ATAD2B: variants seen among roughly 807,000 people sequenced by gnomAD.
ATAD2B encodes ATPase family AAA domain-containing protein 2B.
ATAD2B carries 40 observed loss-of-function variants against 167.6 expected under a neutral mutation model. The observed-to-expected ratio is 0.24, with a 90% CI of 0.19 to 0.31. ATAD2B has a LOEUF of 0.31. ATAD2B is among the 10% of genes least tolerant of loss of function. ATAD2B has a pLI of 1.00. For synonymous variants in ATAD2B, 579 were observed against 596.5 expected (o/e 0.97, Z 0.43); for missense variants, 1,242 against 1,757.2 (o/e 0.71, Z 5.24).
the ATAD2B span, among the ~76,000 whole-genome samples, chr2:23,701,940 G>A: frequency 6.6e-6 from 1 of 151,736 alleles, no homozygotes; most frequent in South Asian, 2.1e-4. Flanking sequence ...GGGTAGCTGG[G>A]TAGCTGGAAT....
chr2:23,691,905 G>T, the ATAD2B span: 1 of 1,541,350 alleles, frequency 6.5e-7, no homozygotes, highest in Non-Finnish European at 8.7e-7. Flanking sequence ...TATGTCGCTT[G>T]GGGGGAAGAG....
Position 23,884,799 on chromosome 2 carries a change from AT to A in ATAD2B, c.749del (p.Asn250IlefsTer21). On this transcript the variant is annotated frameshift_variant, in exon 6 of 28. Coordinates refer to ENST00000238789, the MANE Select transcript of ATAD2B (RefSeq NM_017552.4). LOFTEE classifies it high-confidence loss of function. ...CACCCTCAGTAGAAACTTCATGATG[AT>A]TTTGTATCCCATAACTATTTCTTCT... is the stretch of plus-strand genomic sequence containing the variant. The part of the protein sequence containing the change: ...SLRRNSYGIQ[N>X]HHEVSTEGEE... The A allele has an allele frequency of 6.3e-7, 1 of 1,597,972 alleles. No homozygotes were observed. The highest frequency in any genetic ancestry group is 8.5e-7 in the Non-Finnish European group (1 of 1,172,068).
At chr2:23,852,768 A>C (rs988786618) in intron 13 of ATAD2B, among the ~76,000 whole-genome samples, 1 of 151,980 alleles carries the variant, frequency 6.6e-6, no homozygotes, top group African/African-American at 2.4e-5. Context: ...AAAACACAAA[A>C]ATTAGCCAGG....
intron 10 of ATAD2B, among the ~76,000 whole-genome samples, chr2:23,866,167 A>T (rs142550200): frequency 2.2e-4 from 33 of 152,360 alleles, no homozygotes; most frequent in African/African-American, 7.2e-4. Flanking sequence ...ACATTTTGGG[A>T]GGCCAAGGCG....
At chr2:23,752,204 T>G in intron 27 of ATAD2B, 117 bp from the exon 28 acceptor site, 1 of 740,548 alleles carries the variant, frequency 1.4e-6, no homozygotes, top group Non-Finnish European at 2.3e-6. Flanking sequence ...GGTTAAACTT[T>G]GAATATTTTC....
intron 13 of ATAD2B, among the ~76,000 whole-genome samples, chr2:23,838,450 TA>T (rs11301797): frequency 0.073 from 10,653 of 146,744 alleles, 1,213 homozygotes; most frequent in African/African-American, 0.25. Flanking sequence ...AAGTTGTCTT[TA>T]AAAAAAAAAA....
At chr2:23,872,619 G>A in intron 8 of ATAD2B, 2 of 1,328,700 alleles carry the variant, frequency 1.5e-6, no homozygotes, top group Non-Finnish European at 2.1e-6. Context: ...CTGTAGAAAG[G>A]ATGGTCAGGC....
intron 17 of ATAD2B, among the ~76,000 whole-genome samples, chr2:23,812,512 T>C (rs1209557422): frequency 6.6e-6 from 1 of 152,146 alleles, no homozygotes; most frequent in East Asian, 1.9e-4. Context: ...GAGTTTCAAC[T>C]TACTCACAAC....
At chr2:23,779,737 G>A (rs995143697) in intron 22 of ATAD2B, among the ~76,000 whole-genome samples, 1 of 152,002 alleles carries the variant, frequency 6.6e-6, no homozygotes, top group Non-Finnish European at 1.5e-5. Context: ...AATAATGTTG[G>A]AGAAATATAT....
intron 27 of ATAD2B, 48 bp from the exon 28 acceptor site, chr2:23,752,135 A>T (rs1675417077): frequency 7.6e-7 from 1 of 1,323,762 alleles, no homozygotes; most frequent in African/African-American, 1.5e-5. Flanking sequence ...GAAAGACAAA[A>T]GTGTTCCTCA....
chr2:23,917,130 T>C (rs1703155853), intron 1 of ATAD2B, among the ~76,000 whole-genome samples: 1 of 152,260 alleles, frequency 6.6e-6, no homozygotes, highest in African/African-American at 2.4e-5. Context: ...TTTGCCCACA[T>C]GGCACTTACA....
chr2:23,684,328 A>C, the ATAD2B span: 2 of 1,194,082 alleles, frequency 1.7e-6, no homozygotes, highest in Non-Finnish European at 2.2e-6. The surrounding 1 kb of genome is among the most constrained non-coding windows in gnomAD (Gnocchi z 4.4). Flanking sequence ...AAAGAAAAAA[A>C]ACTTTTTTTA....
intron 1 of ATAD2B, among the ~76,000 whole-genome samples, chr2:23,909,037 C>T (rs1305133182): frequency 6.7e-6 from 1 of 149,454 alleles, no homozygotes; most frequent in Non-Finnish European, 1.5e-5. Flanking sequence ...TGCTAGATGA[C>T]GAGTTAGTGG....
the ATAD2B span, among the ~76,000 whole-genome samples, chr2:23,738,584 A>G: frequency 2.0e-5 from 3 of 152,230 alleles, no homozygotes; most frequent in Non-Finnish European, 4.4e-5. Flanking sequence ...GGTACCAGCC[A>G]CTGCAAAAAC....
At chr2:23,689,764 G>A in the ATAD2B span, 1 of 152,392 alleles carries the variant, frequency 6.6e-6, no homozygotes, top group Non-Finnish European at 1.5e-5. Context: ...AGGAGTACGA[G>A]GTTGACCAGA....
At chr2:23,792,834 C>T (rs990708450) in intron 19 of ATAD2B, among the ~76,000 whole-genome samples, 1 of 151,320 alleles carries the variant, frequency 6.6e-6, no homozygotes, top group Admixed American at 6.6e-5. Context: ...TGGTGGCGGG[C>T]GCCTTTAGTC....
intron 7 of ATAD2B, among the ~76,000 whole-genome samples, chr2:23,879,296 C>T (rs777529575): frequency 8.6e-5 from 13 of 150,724 alleles, no homozygotes; most frequent in Non-Finnish European, 1.8e-4. Flanking sequence ...CCACAGAATG[C>T]TATTCAGCAA....
chr2:23,752,068 T>G lies in ATAD2B; in HGVS notation c.4355A>C (p.His1452Pro). 6.4e-7 allele frequency: 1 copy of G among 1,562,458 alleles called. No homozygotes were observed. Among genetic ancestry groups the G allele is most frequent in the Non-Finnish European group, 8.7e-7 (1 of 1,150,762 alleles). Reference protein sequence around the residue: ...QLVEEMERTVHMFETFL With the variant: ...QLVEEMERTVPMFETFL ...AGTTCATAGGAATGTCTCAAACATA[T>G]GAACTGTTCTTTCCATCTCCTATAA... The change falls in exon 28 of 28, where the codon CAT becomes CCT. Residue 1452 changes from histidine to proline, a missense_variant. By Grantham distance (77) the His-to-Pro change is moderately conservative. This residue lies in a region of ATAD2B where 282 missense variants were observed against 346.8 expected (regional missense o/e 0.81). Coordinates refer to ENST00000238789, the MANE Select transcript of ATAD2B (RefSeq NM_017552.4).
chr2:23,819,388 G>C, intron 17 of ATAD2B, among the ~76,000 whole-genome samples: 1 of 152,010 alleles, frequency 6.6e-6, no homozygotes, highest in South Asian at 2.1e-4. Flanking sequence ...CTACTCAGGA[G>C]GCTGAGGTAC....
Sources: gnomAD v4.1 joint callset for allele counts (sites outside exome capture counted in the v4.1 genomes callset) on GRCh38, gnomAD v4.1.1 for gene constraint, gnomAD v4.1.1 regional missense constraint, Gnocchi (gnomAD v3.1) non-coding constraint, MANE v1.5 for transcripts, NCBI Gene and HGNC (gene_info 2026-07-23, HGNC 2026-07-21) for gene names.